The following PSMB7 variants were observed in gnomAD, a reference collection of about 807,000 sequenced individuals.
The protein encoded by PSMB7 is proteasome subunit beta type-7.
A neutral mutation model predicts 28.1 loss-of-function variants in PSMB7; 5 were observed. The observed-to-expected ratio is 0.18, with a 90% CI of 0.09 to 0.37. PSMB7 has a LOEUF of 0.37. Ranked by LOEUF, PSMB7 falls within the 10% of genes least tolerant of loss-of-function variation. PSMB7 has a pLI of 1.00. For synonymous variants in PSMB7, 122 were observed against 123.7 expected, an observed-to-expected ratio of 0.99 and a Z score of 0.09; for missense variants, 275 against 346.2, an observed-to-expected ratio of 0.79 and a Z score of 1.63.
At chr9:124,365,601 A>G (rs1040789868) in intron 6 of PSMB7, among the ~76,000 whole-genome samples, 52 of 152,234 alleles carry the variant, frequency 3.4e-4, no homozygotes, top group East Asian at 5.8e-4. Flanking sequence ...CGGACTGCAT[A>G]TACAACAGTG....
intron 4 of PSMB7, among the ~76,000 whole-genome samples, chr9:124,410,055 C>CT (rs1392571103): frequency 1.4e-5 from 2 of 145,998 alleles, no homozygotes; most frequent in Non-Finnish European, 3.0e-5. Flanking sequence ...TTCACCCAGG[C>CT]TGGAGTACAG....
At chr9:124,363,400 C>T (rs767664898) in intron 6 of PSMB7, among the ~76,000 whole-genome samples, 2 of 152,222 alleles carry the variant, frequency 1.3e-5, no homozygotes, top group African/African-American at 2.4e-5. Context: ...GTGTTTGAAA[C>T]GGTCTCCGCG....
Position 124,411,079 on chromosome 9 carries a change from G to A in PSMB7, c.395+1273C>T, listed in dbSNP as rs184936882. 1.6e-4 allele frequency among the ~76,000 whole-genome samples: 25 copies of A among 151,866 alleles called. No individual in the cohort carries two copies. The East Asian group carries it at 4.7e-3, about 28-fold the overall frequency. ...CAACCTCCACCTTCCAGGTTCAAGC[G>A]ATTCTCCTGTCTCAGCCTCCCAAGT... is the stretch of plus-strand genomic sequence containing the variant. On this transcript the variant is annotated intron_variant, in intron 4 of 7. Transcript: ENST00000259457.
rs919609142 is a variant in PSMB7, at chr9:124,395,609, T to C, written c.511+9708A>G. Reference sequence around the variant, plus strand: ...CCTCAAAAAATGGCCAAAAGCAACATATCCACATAAAAAGCACACAGTGAT... The same window carrying C: ...CCTCAAAAAATGGCCAAAAGCAACACATCCACATAAAAAGCACACAGTGAT... On this transcript the variant is annotated intron_variant, in intron 5 of 7. Coordinates refer to ENST00000259457, the MANE Select transcript of PSMB7 (RefSeq NM_002799.4). Among the ~76,000 whole-genome samples the C allele has an allele frequency of 2.0e-5, 3 of 152,226 alleles. No individual in the cohort carries two copies. In the South Asian group the frequency reaches 6.2e-4, roughly 32 times the overall value.
At chr9:124,364,961 A>G (rs186526985) in intron 6 of PSMB7, among the ~76,000 whole-genome samples, 31 of 152,346 alleles carry the variant, frequency 2.0e-4, no homozygotes, top group Non-Finnish European at 3.8e-4. Context: ...ACTGTGTTAT[A>G]TGACATGATC....
rs570370628 is a variant in PSMB7, at chr9:124,374,806, A to G, written c.570+9792T>C. The stretch of plus-strand genomic sequence containing the variant: ...GCCACTGCACTCCAGTCTTAGCAAC[A>G]CAGCAAGATCCCATCTCTAAAAAAT... On this transcript the variant is annotated intron_variant, in intron 6 of 7. Coordinates refer to ENST00000259457, the MANE Select transcript of PSMB7 (RefSeq NM_002799.4). 1.7e-4 allele frequency among the ~76,000 whole-genome samples: 26 copies of G among 152,288 alleles called. No homozygotes were observed. In the South Asian group the frequency reaches 1.9e-3, roughly 11 times the overall value.
Position 124,414,847 on chromosome 9 carries a change from A to G in PSMB7, c.151T>C (p.Tyr51His). 6.2e-7 allele frequency: 1 copy of G among 1,613,758 alleles called. No homozygotes were observed. The highest frequency in any genetic ancestry group is 2.2e-5 in the East Asian group (1 of 44,874). ...KTGTTIAGVV[Y>H]KDGIVLGADT... is the part of the protein sequence containing the mutation. ...CTTAGCCTAACCCGGCTTACCTTAT[A>G]GACCACCCCAGCGATGGTCGTGCCA... Residue 51 changes from tyrosine to histidine, a missense_variant, in exon 2 of 8, where the codon TAT becomes CAT. Tyr to His is a moderately conservative substitution (Grantham distance 83). Around this residue, in one of 2 missense-constraint regions of PSMB7, gnomAD observed 213 missense variants for 302.4 expected, o/e 0.70. Coordinates refer to ENST00000259457, the MANE Select transcript of PSMB7 (RefSeq NM_002799.4).
intron 5 of PSMB7, among the ~76,000 whole-genome samples, chr9:124,398,730 T>C (rs1830866732): frequency 6.6e-6 from 1 of 152,154 alleles, no homozygotes; most frequent in African/African-American, 2.4e-5. Flanking sequence ...TGAAATCACA[T>C]CTGTAGGATG....
intron 6 of PSMB7, among the ~76,000 whole-genome samples, chr9:124,382,821 T>C (rs1046561710): frequency 2.6e-5 from 4 of 152,212 alleles, no homozygotes; most frequent in Admixed American, 2.6e-4. Context: ...ATCCAAACTC[T>C]AAATAAGGTA....
chr9:124,395,404 G>C (rs1445207805), intron 5 of PSMB7, among the ~76,000 whole-genome samples: 1 of 151,952 alleles, frequency 6.6e-6, no homozygotes, highest in Non-Finnish European at 1.5e-5. Context: ...GAGGTAGGAG[G>C]ATCACTTGAG....
At position 124,406,078 on chromosome 9, in the gene PSMB7, C is replaced by G. The variant is rs150225846; in HGVS notation, c.396-646G>C. Reference sequence around the variant, plus strand: ...TTAAGAACTTGCCCGGTCTCAGAACCAAATTGGACTGACTCCAAAGATTAT... The same window carrying G: ...TTAAGAACTTGCCCGGTCTCAGAACGAAATTGGACTGACTCCAAAGATTAT... On this transcript the variant is annotated intron_variant, in intron 4 of 7. Coordinates refer to ENST00000259457, the MANE Select transcript of PSMB7 (RefSeq NM_002799.4). 3.2e-3 allele frequency among the ~76,000 whole-genome samples: 491 copies of G among 152,264 alleles called. 1 individual carries two copies. The highest frequency in any genetic ancestry group is 0.011 in the African/African-American group (473 of 41,562).
At chr9:124,367,138 G>A (rs1830516441) in intron 6 of PSMB7, among the ~76,000 whole-genome samples, 1 of 152,184 alleles carries the variant, frequency 6.6e-6, no homozygotes, top group South Asian at 2.1e-4. Context: ...CGGGGCAGCA[G>A]GGCCAGGGAG....
At chr9:124,394,009 C>G (rs1830817917) in intron 5 of PSMB7, among the ~76,000 whole-genome samples, 1 of 152,214 alleles carries the variant, frequency 6.6e-6, no homozygotes, top group African/African-American at 2.4e-5. Flanking sequence ...CGCAGGAACG[C>G]AGGGCAGTGG....
intron 5 of PSMB7, among the ~76,000 whole-genome samples, chr9:124,393,828 GGA>G (rs982475586): frequency 6.6e-6 from 1 of 152,210 alleles, no homozygotes; most frequent in African/African-American, 2.4e-5. Flanking sequence ...CACAAGATAT[GGA>G]GAGAGAACAT....
In PSMB7 at chr9:124,415,399, T is replaced by C. The variant is rs773266091; in HGVS notation, c.27A>G (p.Pro9=). MAAVSVYA[P]PVGGFSFDNC... is the part of the protein sequence containing the mutation. ...TATCAAAAGAGAAGCCTCCAACTGG[T>C]GGAGCATACACCGACACAGCCGCCA... The change falls in exon 1 of 8, where the codon CCA becomes CCG. Residue 9 remains proline (P), a synonymous_variant. Transcript: ENST00000259457. The C allele has an allele frequency of 5.0e-6, 8 of 1,613,894 alleles. No homozygotes were observed. The highest frequency in any genetic ancestry group is 4.0e-5 in the African/African-American group (3 of 74,870).
rs1469163375 is a variant in PSMB7 at position 124,412,444 on chromosome 9, G to T, written c.303C>A (p.Leu101=). ...TAADTDMTTQ[L]ISSNLELHSL... is the part of the protein sequence containing the mutation. Reference sequence around the variant, plus strand: ...AGTGGAGCTCCAGGTTGGAAGAAATGAGCTGGGTTGTCATGTCTGTGTCTG... The same window carrying T: ...AGTGGAGCTCCAGGTTGGAAGAAATTAGCTGGGTTGTCATGTCTGTGTCTG... The change falls in exon 4 of 8, where the codon CTC becomes CTA. Residue 101 remains leucine (L), a synonymous_variant. Coordinates refer to ENST00000259457, the MANE Select transcript of PSMB7 (RefSeq NM_002799.4). 6.2e-7 allele frequency: 1 copy of T among 1,614,066 alleles called. No individual in the cohort carries two copies. Among genetic ancestry groups the T allele is most frequent in the Non-Finnish European group, 8.5e-7 (1 of 1,180,038 alleles).
At chr9:124,377,794 G>T (rs1382153915) in intron 6 of PSMB7, among the ~76,000 whole-genome samples, 1 of 152,202 alleles carries the variant, frequency 6.6e-6, no homozygotes, top group East Asian at 1.9e-4. Context: ...TATCTTCATA[G>T]CTTCTCTCTG....
Position 124,356,721 on chromosome 9 carries a change from C to A in PSMB7, c.722+43G>T. The A allele has an allele frequency of 6.3e-7, 1 of 1,589,072 alleles. No individual in the cohort carries two copies. The highest frequency in any genetic ancestry group is 1.1e-5 in the South Asian group (1 of 88,700). ...GCCATGGAGATACCAAGGGTGGCCA[C>A]GACGCCAGGGGACCCAGGAAGAACT... is the stretch of plus-strand genomic sequence containing the variant. On this transcript the variant is annotated intron_variant, in intron 7 of 7. Transcript: ENST00000259457. This position sits in a 1 kb window ranked among gnomAD's most constrained non-coding sequence, Gnocchi z 4.4.
At chr9:124,387,378 G>A (rs758114220) in intron 5 of PSMB7, among the ~76,000 whole-genome samples, 1 of 152,188 alleles carries the variant, frequency 6.6e-6, no homozygotes, top group African/African-American at 2.4e-5. Context: ...AATGTGGGGA[G>A]GCTCTCTACA....
Sources: allele counts gnomAD v4.1 joint callset (sites outside exome capture counted in the v4.1 genomes callset), GRCh38; gene constraint gnomAD v4.1.1; regional missense constraint gnomAD v4.1.1; non-coding constraint Gnocchi (gnomAD v3.1); transcripts MANE v1.5; gene names NCBI Gene and HGNC (gene_info 2026-07-23, HGNC 2026-07-21).